EPS15: variants seen among roughly 807,000 people sequenced by gnomAD.
EPS15 encodes the protein epidermal growth factor receptor pathway substrate 15.
EPS15 carries 72 observed loss-of-function variants against 113.8 expected under a neutral mutation model. That is an observed-to-expected ratio of 0.63 (90% CI 0.52 to 0.77). EPS15 has a LOEUF of 0.77. Among genes scored for constraint, EPS15 ranks in the 30% least tolerant of loss-of-function variants. The probability of loss-of-function intolerance (pLI) is 0.00; values close to 1 mark genes in which losing one functional copy is unlikely to be tolerated. For synonymous variants in EPS15, 344 were observed against 363.4 expected (o/e 0.95, Z 0.61); for missense variants, 1,048 against 1,045.8 (o/e 1.00, Z -0.03).
chr1:51,460,005 G>A (rs1465056049), intron 8 of EPS15, among the ~76,000 whole-genome samples: 1 of 151,706 alleles, frequency 6.6e-6, no homozygotes, highest in Non-Finnish European at 1.5e-5. Flanking sequence ...TAAATTAAAA[G>A]TCAAAATATA....
At chr1:51,437,480 TAA>T (rs1553126791) in intron 12 of EPS15, among the ~76,000 whole-genome samples, 1 of 143,842 alleles carries the variant, frequency 7.0e-6, no homozygotes, top group Non-Finnish European at 1.5e-5. Context: ...ATCCCTGGAC[TAA>T]AAAAAAAAAA....
intron 19 of EPS15, among the ~76,000 whole-genome samples, chr1:51,399,832 T>C (rs776483879): frequency 2.0e-5 from 3 of 151,886 alleles, no homozygotes; most frequent in Admixed American, 6.6e-5. Flanking sequence ...ACTTGTACTC[T>C]AGCCTGGGCA....
intron 2 of EPS15, among the ~76,000 whole-genome samples, chr1:51,474,615 C>T (rs889963826): frequency 2.0e-5 from 3 of 152,050 alleles, no homozygotes; most frequent in African/African-American, 7.2e-5. Flanking sequence ...TGTGCATAAG[C>T]CCTTTCTGAG....
chr1:51,358,502 TAC>T (rs1646294238), intron 24 of EPS15, among the ~76,000 whole-genome samples: 1 of 152,218 alleles, frequency 6.6e-6, no homozygotes. Flanking sequence ...TGAAATAAAA[TAC>T]ACTGTCAGGC....
chr1:51,400,441 T>C (rs957220465), intron 19 of EPS15, among the ~76,000 whole-genome samples: 3 of 152,056 alleles, frequency 2.0e-5, no homozygotes, highest in African/African-American at 7.2e-5. Flanking sequence ...CTGTCTGTAA[T>C]CGCAGCACTT....
chr1:51,394,467 C>T lies in EPS15; in HGVS notation c.2053-20G>A. ...TTCTACCTAAACAAAGCATACAAAACCATGAATGAGAGAGGCAACACTTCA... is the reference window on the plus strand; with the variant it reads ...TTCTACCTAAACAAAGCATACAAAATCATGAATGAGAGAGGCAACACTTCA... On this transcript the variant is annotated intron_variant, in intron 20 of 24. Transcript: ENST00000371733. 6.4e-7 allele frequency: 1 copy of T among 1,557,440 alleles called. No homozygotes were observed. The highest frequency in any genetic ancestry group is 2.3e-5 in the East Asian group (1 of 44,184).
At chr1:51,372,887 T>C in intron 21 of EPS15, 1 of 789,974 alleles carries the variant, frequency 1.3e-6, no homozygotes, top group Non-Finnish European at 1.8e-6. Flanking sequence ...TATCAGGAGC[T>C]ACCTGGAAAA....
chr1:51,445,946 G>A (rs924883984), intron 10 of EPS15, among the ~76,000 whole-genome samples: 1 of 152,208 alleles, frequency 6.6e-6, no homozygotes, highest in Non-Finnish European at 1.5e-5. Flanking sequence ...GCCATTTATT[G>A]AGTATAGTGC....
chr1:51,426,852 TACAC>T (rs757848514), intron 12 of EPS15, among the ~76,000 whole-genome samples: 1 of 144,832 alleles, frequency 6.9e-6, no homozygotes, highest in African/African-American at 2.6e-5. Flanking sequence ...TATATATATA[TACAC>T]ACACACATAT....
At chr1:51,500,703 G>A (rs1421572134) in intron 1 of EPS15, among the ~76,000 whole-genome samples, 2 of 152,110 alleles carry the variant, frequency 1.3e-5, no homozygotes, top group Admixed American at 6.5e-5. Context: ...AAAATCTGTA[G>A]GTCGGGTGCA....
At chr1:51,372,341 C>G (rs1646677329) in intron 21 of EPS15, 2 of 534,452 alleles carry the variant, frequency 3.7e-6, no homozygotes. Context: ...TCAACCGAAT[C>G]AGCAAGGTTG....
In EPS15 at chr1:51,459,229, G is replaced by C. The variant is rs1004384770; in HGVS notation, c.561+1862C>G. ...AATACATTTGAGGCTGGGTGCAGTG[G>C]CTCACGCCTGTAATCCCAGCACTTT... On this transcript the variant is annotated intron_variant, in intron 8 of 24. Transcript: ENST00000371733. 3.7e-4 allele frequency: 57 copies of C among 152,432 alleles called. 1 individual carries two copies. The highest frequency in any genetic ancestry group is 1.3e-3 in the African/African-American group (56 of 41,582). 9.4% of individuals were successfully genotyped at this position (152,432 alleles called of 1,614,324 possible).
chr1:51,466,923 A>C (rs1002114896), intron 5 of EPS15, among the ~76,000 whole-genome samples: 1 of 152,172 alleles, frequency 6.6e-6, no homozygotes, highest in African/African-American at 2.4e-5. Context: ...TCATACAGAC[A>C]AAGAGTTAAT....
At chr1:51,402,162 A>AC in intron 18 of EPS15, among the ~76,000 whole-genome samples, 1 of 151,778 alleles carries the variant, frequency 6.6e-6, no homozygotes, top group Non-Finnish European at 1.5e-5. Flanking sequence ...ATAAATAAAT[A>AC]AATACACACA....
At chr1:51,465,349 A>G in intron 5 of EPS15, 23 bp from the exon 6 acceptor site, 1 of 1,539,438 alleles carries the variant, frequency 6.5e-7, no homozygotes, top group Non-Finnish European at 8.9e-7. Context: ...GTAAAGCACA[A>G]CAAGAGTTGA....
chr1:51,390,542 G>A (rs1647255645), intron 21 of EPS15, among the ~76,000 whole-genome samples: 2 of 151,150 alleles, frequency 1.3e-5, no homozygotes, highest in Non-Finnish European at 3.0e-5. Flanking sequence ...TACAAAATGG[G>A]AGAAAATTTT....
At chr1:51,372,753 G>C (rs543827369) in intron 21 of EPS15, 5 of 415,478 alleles carry the variant, frequency 1.2e-5, no homozygotes, top group East Asian at 5.8e-5. Flanking sequence ...TGGAGCAGAG[G>C]AAGCTGAGGC....
intron 24 of EPS15, among the ~76,000 whole-genome samples, chr1:51,357,134 T>C (rs1646235025): frequency 6.6e-6 from 1 of 151,398 alleles, no homozygotes. Context: ...ATCCCAGCAC[T>C]TTGGAGGCTG....
At chr1:51,356,958 G>T in intron 24 of EPS15, 112 bp from the exon 25 acceptor site, 5 of 804,804 alleles carry the variant, frequency 6.2e-6, no homozygotes, top group East Asian at 2.8e-5. Context: ...GAAATAGTCT[G>T]GTTACTTGTT....
Sources: gnomAD v4.1 joint callset for allele counts (sites outside exome capture counted in the v4.1 genomes callset) on GRCh38, gnomAD v4.1.1 for gene constraint, MANE v1.5 for transcripts, NCBI Gene and HGNC (gene_info 2026-07-23, HGNC 2026-07-21) for gene names.